Variants in NR3C2 observed in about 807,000 individuals in gnomAD.
The protein encoded by NR3C2 is mineralocorticoid receptor.
A neutral mutation model predicts 86.4 loss-of-function variants in NR3C2; 15 were observed. That is an observed-to-expected ratio of 0.17 (90% confidence interval 0.12 to 0.27). The LOEUF (loss-of-function observed/expected upper bound fraction) is 0.27. Among genes scored for constraint, NR3C2 ranks in the 10% least tolerant of loss-of-function variants. The pLI is 1.00. For synonymous variants in NR3C2, 458 were observed against 450.5 expected (o/e 1.02, Z -0.21); for missense variants, 960 against 1,195.6 (o/e 0.80, Z 2.91).
intron 2 of NR3C2, among the ~76,000 whole-genome samples, chr4:148,366,268 C>A (rs555998777): frequency 6.6e-6 from 1 of 151,996 alleles, no homozygotes; most frequent in African/African-American, 2.4e-5. Context: ...TGTTTCCATG[C>A]CTTTCCCCAA....
chr4:148,385,643 G>T (rs61764772), intron 2 of NR3C2, among the ~76,000 whole-genome samples: 9,825 of 152,106 alleles, frequency 0.065, 1,035 homozygotes, highest in African/African-American at 0.22. Flanking sequence ...AGGGAGAGAG[G>T]AAAGGAGGAA....
At chr4:148,258,867 C>T (rs1297995753) in intron 3 of NR3C2, among the ~76,000 whole-genome samples, 1 of 152,232 alleles carries the variant, frequency 6.6e-6, no homozygotes, top group Admixed American at 6.5e-5. Flanking sequence ...TTTCTATCAC[C>T]TGTAACCAAG....
At chr4:148,171,500 G>A (rs1735124349) in intron 4 of NR3C2, among the ~76,000 whole-genome samples, 1 of 152,154 alleles carries the variant, frequency 6.6e-6, no homozygotes, top group Admixed American at 6.5e-5. Flanking sequence ...GATGGTTTTG[G>A]GATGAAACTG....
In NR3C2 at chr4:148,143,935, G is replaced by A. The variant is rs202008351; in HGVS notation, c.2510+8534C>T. The stretch of plus-strand genomic sequence containing the variant: ...GCACTCCAGCCTGGGCAACAAGAGC[G>A]AAACTCTGTCTCAAAAAAAAAAAAA... On this transcript the variant is annotated intron_variant, in intron 6 of 8. Coordinates refer to ENST00000358102, the MANE Select transcript of NR3C2 (RefSeq NM_000901.5). 1.7e-3 allele frequency among the ~76,000 whole-genome samples: 163 copies of A among 93,316 alleles called. 1 individual carries two copies. The East Asian group carries it at 0.047, about 27-fold the overall frequency. 61.2% of individuals were successfully genotyped at this position (93,316 alleles called of 152,430 possible).
intron 6 of NR3C2, among the ~76,000 whole-genome samples, chr4:148,145,996 G>A (rs1733851767): frequency 6.6e-6 from 1 of 152,066 alleles, no homozygotes; most frequent in Non-Finnish European, 1.5e-5. Context: ...AGAAAAGGGA[G>A]GAGGGGCAGA....
At chr4:148,368,594 T>C (rs1364996468) in intron 2 of NR3C2, 2 of 152,130 alleles carry the variant, frequency 1.3e-5, no homozygotes, top group Non-Finnish European at 2.9e-5. Context: ...GCCCTAGCTA[T>C]TGCATGCACA....
At chr4:148,333,165 C>T (rs961141798) in intron 2 of NR3C2, among the ~76,000 whole-genome samples, 27 of 151,788 alleles carry the variant, frequency 1.8e-4, no homozygotes, top group South Asian at 4.1e-4. Flanking sequence ...CAGCTACTCA[C>T]GAGGCTAAGG....
At chr4:148,176,159 A>G (rs748040292) in intron 4 of NR3C2, among the ~76,000 whole-genome samples, 3 of 152,210 alleles carry the variant, frequency 2.0e-5, no homozygotes, top group Admixed American at 6.5e-5. Context: ...CCCTACTCTT[A>G]GCCTGCCTCC....
intron 6 of NR3C2, among the ~76,000 whole-genome samples, chr4:148,144,920 G>A (rs1370389561): frequency 6.6e-6 from 1 of 152,188 alleles, no homozygotes. Context: ...AGAGCCAGAT[G>A]CAAAATAGGC....
At chr4:148,249,772 C>A (rs189601632) in intron 3 of NR3C2, among the ~76,000 whole-genome samples, 3 of 152,106 alleles carry the variant, frequency 2.0e-5, no homozygotes, top group African/African-American at 7.2e-5. Context: ...AGGAAGGTGA[C>A]GCTTTTGTAA....
At chr4:148,405,652 T>C (rs1748383535) in intron 2 of NR3C2, among the ~76,000 whole-genome samples, 1 of 152,212 alleles carries the variant, frequency 6.6e-6, no homozygotes, top group African/African-American at 2.4e-5. Flanking sequence ...TGAGAGACCT[T>C]TGGAATTTCA....
At chr4:148,082,742 G>T (rs1243733637) in intron 8 of NR3C2, among the ~76,000 whole-genome samples, 2 of 148,844 alleles carry the variant, frequency 1.3e-5, no homozygotes, top group Non-Finnish European at 3.0e-5. Context: ...CCTAGAAAGG[G>T]GGCCGAAGCC....
chr4:148,233,868 A>G (rs3846311), intron 3 of NR3C2, among the ~76,000 whole-genome samples: 144,993 of 152,196 alleles, frequency 0.95, 69,435 homozygotes, highest in East Asian at 1. Flanking sequence ...GAAAAAGTTT[A>G]AAATATTGCT....
At chr4:148,279,924 C>T (rs1469366036) in intron 2 of NR3C2, among the ~76,000 whole-genome samples, 1 of 152,050 alleles carries the variant, frequency 6.6e-6, no homozygotes, top group East Asian at 1.9e-4. Context: ...GGGGTTTCAC[C>T]ATGTTGGCCA....
chr4:148,412,807 A>T (rs1023896938), intron 2 of NR3C2, among the ~76,000 whole-genome samples: 1 of 130,722 alleles, frequency 7.6e-6, no homozygotes. Context: ...GTGCATACAC[A>T]GGTGCACATG....
At chr4:148,363,183 G>C (rs2126317502) in intron 2 of NR3C2, among the ~76,000 whole-genome samples, 1 of 152,174 alleles carries the variant, frequency 6.6e-6, no homozygotes, top group South Asian at 2.1e-4. Flanking sequence ...TGACCATGAG[G>C]GGCTAATCAA....
chr4:148,344,363 A>T (rs1744891228), intron 2 of NR3C2, among the ~76,000 whole-genome samples: 1 of 152,172 alleles, frequency 6.6e-6, no homozygotes. Flanking sequence ...CAACATAGAG[A>T]CAGGATGGCT....
intron 2 of NR3C2, among the ~76,000 whole-genome samples, chr4:148,408,708 G>T (rs1748541190): frequency 6.6e-6 from 1 of 151,990 alleles, no homozygotes; most frequent in African/African-American, 2.4e-5. Context: ...GTAGAAAACA[G>T]AAAATAAAAG....
chr4:148,369,285 C>G (rs1746297553), intron 2 of NR3C2, among the ~76,000 whole-genome samples: 1 of 152,268 alleles, frequency 6.6e-6, no homozygotes, highest in East Asian at 1.9e-4. Flanking sequence ...AAATGAAGAT[C>G]TCTTTAGAAA....
Sources: allele counts gnomAD v4.1 joint callset (sites outside exome capture counted in the v4.1 genomes callset), GRCh38; gene constraint gnomAD v4.1.1; transcripts MANE v1.5; gene names NCBI Gene and HGNC (gene_info 2026-07-23, HGNC 2026-07-21).